DIP2C: variants seen among roughly 807,000 people sequenced by gnomAD.
DIP2C encodes disco-interacting protein 2 homolog C.
Under a neutral mutation model 192.4 loss-of-function variants are expected in DIP2C, and 33 were observed. The observed-to-expected ratio is 0.17, with a 90% CI of 0.13 to 0.23. The LOEUF (loss-of-function observed/expected upper bound fraction) is 0.23. DIP2C is among the 10% of genes least tolerant of loss of function. The pLI is 1.00. For synonymous variants in DIP2C, 979 were observed against 864.1 expected (o/e 1.13, Z -2.33); for missense variants, 1,537 against 2,110.1 (o/e 0.73, Z 5.32).
intron 17 of DIP2C, among the ~76,000 whole-genome samples, chr10:379,186 G>GCCCCCC (rs1229353497): frequency 2.9e-3 from 26 of 9,118 alleles, no homozygotes; most frequent in Non-Finnish European, 4.0e-3. Context: ...CGAGTGCCAC[G>GCCCCCC]CCCCCCCCCC....
At chr10:609,940 C>T (rs925117344) in intron 1 of DIP2C, among the ~76,000 whole-genome samples, 9 of 152,092 alleles carry the variant, frequency 5.9e-5, no homozygotes, top group African/African-American at 9.6e-5. Context: ...CAAAGGAATG[C>T]GGCATTCCAC....
rs1242203705 is a variant in DIP2C, at chr10:311,581, G to A, written c.3925-1489C>T. On this transcript the variant is annotated intron_variant, in intron 31 of 36. Transcript: ENST00000280886. ...AGCCTGTGAGGCTACAGCAGCAGAAGGGTGAGGACGAGAAGAGAGGAGAGA... is the reference window on the plus strand; with the variant it reads ...AGCCTGTGAGGCTACAGCAGCAGAAAGGTGAGGACGAGAAGAGAGGAGAGA... 2.4e-6 allele frequency: 3 copies of A among 1,232,398 alleles called. No homozygotes were observed. The African/African-American group carries it at 4.7e-5, about 19-fold the overall frequency. The allele number at this position is 1,232,398 out of a possible 1,614,324, so 76.3% of individuals were successfully genotyped here.
At chr10:570,556 T>G (rs1849728111) in intron 1 of DIP2C, among the ~76,000 whole-genome samples, 1 of 152,136 alleles carries the variant, frequency 6.6e-6, no homozygotes, top group African/African-American at 2.4e-5. Flanking sequence ...ACATCACACT[T>G]CAGTACCTGC....
At chr10:447,899 G>T (rs1968415553) in intron 3 of DIP2C, among the ~76,000 whole-genome samples, 1 of 120,634 alleles carries the variant, frequency 8.3e-6, no homozygotes, top group South Asian at 2.5e-4. Context: ...ACACAGTGGG[G>T]CAGCAGGACC....
At chr10:642,775 T>C (rs1406157616) in intron 1 of DIP2C, among the ~76,000 whole-genome samples, 1 of 152,262 alleles carries the variant, frequency 6.6e-6, no homozygotes, top group South Asian at 2.1e-4. Flanking sequence ...CCTTCATGCG[T>C]CTGTACCCTA....
chr10:375,648 A>T (rs1961476317), intron 17 of DIP2C, among the ~76,000 whole-genome samples: 1 of 152,150 alleles, frequency 6.6e-6, no homozygotes, highest in African/African-American at 2.4e-5. Context: ...TTGAAGTAGC[A>T]GCTCCTATAA....
chr10:593,488 C>T (rs1178229697), intron 1 of DIP2C, among the ~76,000 whole-genome samples: 1 of 84,258 alleles, frequency 1.2e-5, no homozygotes, highest in Admixed American at 1.1e-4. Context: ...ACGCGGGACC[C>T]CCCCCCCCCC....
intron 1 of DIP2C, among the ~76,000 whole-genome samples, chr10:686,755 G>T (rs1831353767): frequency 1.3e-5 from 2 of 152,268 alleles, no homozygotes; most frequent in Admixed American, 6.5e-5. Flanking sequence ...GAAGGATGGA[G>T]CCCTCGGCCC....
At chr10:534,211 C>T (rs985132751) in intron 1 of DIP2C, among the ~76,000 whole-genome samples, 1 of 152,202 alleles carries the variant, frequency 6.6e-6, no homozygotes, top group African/African-American at 2.4e-5. Context: ...AACACAACTC[C>T]CACCCATGCT....
At chr10:511,079 T>G (rs963493202) in intron 1 of DIP2C, among the ~76,000 whole-genome samples, 2 of 152,240 alleles carry the variant, frequency 1.3e-5, no homozygotes, top group African/African-American at 4.8e-5. Flanking sequence ...TTTCTTGCCA[T>G]GCTCAATACA....
chr10:551,008 G>A (rs752631627), intron 1 of DIP2C, among the ~76,000 whole-genome samples: 1 of 150,672 alleles, frequency 6.6e-6, no homozygotes, highest in Non-Finnish European at 1.5e-5. Flanking sequence ...CGGCTTCCCC[G>A]GGCCTCGATT....
chr10:324,779 C>T (rs1384111210), intron 31 of DIP2C: 8 of 383,104 alleles, frequency 2.1e-5, no homozygotes, highest in South Asian at 4.1e-5. Flanking sequence ...CACCACGTGT[C>T]AGGCCCCGCC....
rs553690492 is a variant in DIP2C, at chr10:498,939, G to A, written c.86-12409C>T. On this transcript the variant is annotated intron_variant, in intron 1 of 36. Coordinates refer to ENST00000280886, the MANE Select transcript of DIP2C (RefSeq NM_014974.3). ...TATGGTGTTACTTATCTGCATGCCG[G>A]CATTTCTCACCAACGCTGCTCTGCA... Among the ~76,000 whole-genome samples, 6 of 152,272 alleles carry A rather than the reference G, an allele frequency of 3.9e-5. No individual in the cohort carries two copies. The East Asian group carries it at 9.6e-4, about 24-fold the overall frequency.
intron 4 of DIP2C, among the ~76,000 whole-genome samples, chr10:436,121 G>C (rs561644404): frequency 2.0e-5 from 3 of 152,120 alleles, no homozygotes; most frequent in African/African-American, 7.2e-5. Context: ...CAGACCGGGC[G>C]CACTTCATGT....
chr10:513,098 C>T (rs1421918226), intron 1 of DIP2C, among the ~76,000 whole-genome samples: 1 of 152,176 alleles, frequency 6.6e-6, no homozygotes, highest in East Asian at 1.9e-4. Flanking sequence ...GCTAAAAGCA[C>T]ATGCATTTTA....
intron 17 of DIP2C, among the ~76,000 whole-genome samples, chr10:374,495 G>C (rs1961340017): frequency 6.6e-6 from 1 of 152,208 alleles, no homozygotes; most frequent in Non-Finnish European, 1.5e-5. Context: ...AGCAGACAGG[G>C]GCAGGGGCGA....
At chr10:323,703 T>G (rs1195529341) in intron 31 of DIP2C, among the ~76,000 whole-genome samples, 2 of 152,252 alleles carry the variant, frequency 1.3e-5, no homozygotes, top group Non-Finnish European at 2.9e-5. Flanking sequence ...AAGTGTATTT[T>G]CTGATTTTGT....
intron 32 of DIP2C, among the ~76,000 whole-genome samples, chr10:308,058 G>A (rs985003712): frequency 1.3e-5 from 2 of 148,974 alleles, no homozygotes; most frequent in African/African-American, 2.5e-5. Context: ...GTGCCTGGGC[G>A]GGGCCCAGCA....
At chr10:669,958 C>T (rs182919920) in intron 1 of DIP2C, among the ~76,000 whole-genome samples, 1 of 152,162 alleles carries the variant, frequency 6.6e-6, no homozygotes, top group East Asian at 1.9e-4. Context: ...TTCCTGATAT[C>T]GAATGTTCAT....
Sources: allele counts gnomAD v4.1 joint callset (sites outside exome capture counted in the v4.1 genomes callset), GRCh38; gene constraint gnomAD v4.1.1; transcripts MANE v1.5; gene names NCBI Gene and HGNC (gene_info 2026-07-23, HGNC 2026-07-21).